Variants in UBAC2 observed in about 807,000 individuals in gnomAD.
The protein encoded by UBAC2 is UBA domain containing 2.
UBAC2 carries 26 observed loss-of-function variants against 44.0 expected under a neutral mutation model. That is an observed-to-expected ratio of 0.59 (90% CI 0.43 to 0.82). The LOEUF (loss-of-function observed/expected upper bound fraction) is 0.82, where lower values mean the gene tolerates loss of function less well. Ranked by LOEUF, UBAC2 falls within the 40% of genes least tolerant of loss-of-function variation. UBAC2 has a pLI of 0.00. For synonymous variants in UBAC2, 155 were observed against 154.3 expected, an observed-to-expected ratio of 1.00 and a Z score of -0.04; for missense variants, 329 against 419.4, an observed-to-expected ratio of 0.78 and a Z score of 1.88.
chr13:99,330,691 T>C (rs2044705096), intron 6 of UBAC2, among the ~76,000 whole-genome samples: 1 of 152,092 alleles, frequency 6.6e-6, no homozygotes, highest in African/African-American at 2.4e-5. Flanking sequence ...TCTAATAGAA[T>C]ATTAAATAAA....
Position 99,367,846 on chromosome 13 carries a change from C to G in UBAC2, c.867C>G (p.Asn289Lys), listed in dbSNP as rs774640168. ...CTTTACGTCAGCGACAAAACGTAAA[C>G]TATCAGGGCGGTCGGCAGTCTGAGC... ...FPPLRQRQNV[N>K]YQGGRQSEPA... is the part of the protein sequence containing the mutation. The change falls in exon 8 of 9, where the codon AAC becomes AAG. Residue 289 changes from asparagine to lysine, a missense_variant. Physicochemically the swap from Asn to Lys is moderately conservative, Grantham distance 94. Transcript: ENST00000403766. 1.9e-6 allele frequency: 3 copies of G among 1,613,846 alleles called. No homozygotes were observed. Among genetic ancestry groups the G allele is most frequent in the Non-Finnish European group, 2.5e-6 (3 of 1,179,882 alleles).
chr13:99,283,558 A>G (rs767651002), intron 4 of UBAC2, among the ~76,000 whole-genome samples: 18 of 152,080 alleles, frequency 1.2e-4, no homozygotes, highest in Non-Finnish European at 2.6e-4. Flanking sequence ...GCAGACTTGC[A>G]AGAGTAGATG....
intron 1 of UBAC2, chr13:99,201,203 T>C (rs1292133836): frequency 1.4e-6 from 2 of 1,424,138 alleles, no homozygotes; most frequent in Non-Finnish European, 1.8e-6. Flanking sequence ...CCCAGGAGTC[T>C]CTTGGGGCCG....
intron 6 of UBAC2, among the ~76,000 whole-genome samples, chr13:99,323,172 T>C (rs1224592679): frequency 6.6e-6 from 1 of 152,054 alleles, no homozygotes; most frequent in Non-Finnish European, 1.5e-5. Flanking sequence ...AGATTGCTTC[T>C]CCATTGACCA....
At chr13:99,277,275 C>T (rs1310508186) in intron 4 of UBAC2, among the ~76,000 whole-genome samples, 2 of 152,150 alleles carry the variant, frequency 1.3e-5, no homozygotes, top group Admixed American at 6.5e-5. Context: ...CCTGTAATCC[C>T]AGCACTTTGG....
chr13:99,202,012 G>C (rs909713250), intron 1 of UBAC2, among the ~76,000 whole-genome samples: 2 of 148,230 alleles, frequency 1.3e-5, no homozygotes, highest in African/African-American at 5.0e-5. Context: ...GGCGGAGCTT[G>C]CAGCGAGCCG....
intron 4 of UBAC2, among the ~76,000 whole-genome samples, chr13:99,299,767 A>G (rs9557193): frequency 0.2 from 31,042 of 152,152 alleles, 3,557 homozygotes; most frequent in Middle Eastern, 0.36. Flanking sequence ...GTCATCATGT[A>G]GAAACCTCAC....
chr13:99,356,228 G>C (rs763402456), intron 7 of UBAC2: 1 of 532,496 alleles, frequency 1.9e-6, no homozygotes, highest in South Asian at 1.4e-5. Flanking sequence ...TGCACCTTCT[G>C]TCCTCATTGC....
rs2044611288 is a variant in UBAC2, at chr13:99,324,484, C to T, written c.561+6415C>T. ...GAAGTCAAATGGAGCAGGGCTGTAC[C>T]AACATGTAGCATGAACAGGAAAGAA... On this transcript the variant is annotated intron_variant, in intron 6 of 8. Coordinates refer to ENST00000403766, the MANE Select transcript of UBAC2 (RefSeq NM_001144072.2). Among the ~76,000 whole-genome samples, 5 of 152,180 alleles carry T rather than the reference C, an allele frequency of 3.3e-5. No homozygotes were observed. The South Asian group carries it at 1.0e-3, about 32-fold the overall frequency.
Position 99,204,896 on chromosome 13 carries a change from G to A in UBAC2, c.31+3957G>A, listed in dbSNP as rs111849791. ...GGCCGCAGGTGTAAGGGGGAGTTTC[G>A]TTTCCTTTTTTTTTTTTTTTTTTTT... On this transcript the variant is annotated intron_variant, in intron 1 of 8. Transcript: ENST00000403766. Among the ~76,000 whole-genome samples the A allele has an allele frequency of 5.7e-3, 748 of 131,348 alleles. 6 individuals are homozygous for A. Among genetic ancestry groups the A allele is most frequent in the African/African-American group, 0.02 (712 of 35,722 alleles). 86.2% of individuals were successfully genotyped at this position (131,348 alleles called of 152,430 possible). A position where few individuals can be genotyped will look rare whatever the true frequency, so the allele number is the denominator to read the frequency against.
At chr13:99,346,332 C>T (rs2044980114) in intron 7 of UBAC2, among the ~76,000 whole-genome samples, 1 of 152,202 alleles carries the variant, frequency 6.6e-6, no homozygotes. Flanking sequence ...GCCTGCCCCA[C>T]AGCCTCCACC....
At position 99,201,300 on chromosome 13, in the gene UBAC2, C is replaced by T. The variant is rs1268993660; in HGVS notation, c.31+361C>T. On this transcript the variant is annotated intron_variant, in intron 1 of 8. Transcript: ENST00000403766. ...GTGCCGCGCTGAAGGAAGGGGCCGT[C>T]CCCCTTACCATGCCCCATTCTTTTA... The T allele has an allele frequency of 1.8e-5, 27 of 1,468,802 alleles. 1 individual carries two copies. The South Asian group carries it at 3.7e-4, about 20-fold the overall frequency. The allele number at this position is 1,468,802 out of a possible 1,614,324, so 91.0% of individuals were successfully genotyped here. A position where few individuals can be genotyped will look rare whatever the true frequency, so the allele number is the denominator to read the frequency against.
chr13:99,367,982 CAA>C, intron 8 of UBAC2, 76 bp downstream of exon 8: 2 of 1,527,622 alleles, frequency 1.3e-6, no homozygotes, highest in East Asian at 4.6e-5. Context: ...CAACAGGACT[CAA>C]AAGTAATCAA....
chr13:99,338,047 C>CTTTTT lies in UBAC2; in HGVS notation c.562-2249_562-2245dup, dbSNP rs869112086. ...ATCTCCTAACTTTTTTTCTTTTTTT[C>CTTTTT]TTTTTTTTTTTTTTTTTTTTTTTTT... is the stretch of plus-strand genomic sequence containing the variant. On this transcript the variant is annotated intron_variant, in intron 6 of 8. Transcript: ENST00000403766. Among the ~76,000 whole-genome samples the CTTTTT allele has an allele frequency of 9.4e-4, 46 of 48,856 alleles. 4 individuals carry two copies. Among genetic ancestry groups the CTTTTT allele is most frequent in the African/African-American group, 2.6e-3 (37 of 14,106 alleles). 32.1% of individuals were successfully genotyped at this position (48,856 alleles called of 152,430 possible). A position where few individuals can be genotyped will look rare whatever the true frequency, so the allele number is the denominator to read the frequency against.
At chr13:99,300,911 T>C (rs1354719857) in intron 4 of UBAC2, among the ~76,000 whole-genome samples, 1 of 152,258 alleles carries the variant, frequency 6.6e-6, no homozygotes, top group Non-Finnish European at 1.5e-5. Context: ...GTAGAAAATT[T>C]ATTCTTAAGT....
rs115416400 is a variant in UBAC2 at position 99,375,437 on chromosome 13, T to A, written c.927+7531T>A. ...CCGGTGCCAGTTGCTATGACAGCAG[T>A]GGGCGAGGCAGGCCCAGCACATCTG... On this transcript the variant is annotated intron_variant, in intron 8 of 8. Transcript: ENST00000403766. 9.8e-3 allele frequency among the ~76,000 whole-genome samples: 1,484 copies of A among 152,024 alleles called. 31 individuals are homozygous for A. Among genetic ancestry groups the A allele is most frequent in the African/African-American group, 0.034 (1,418 of 41,446 alleles).
At chr13:99,363,223 A>C (rs2045288742) in intron 7 of UBAC2, among the ~76,000 whole-genome samples, 1 of 152,212 alleles carries the variant, frequency 6.6e-6, no homozygotes, top group Non-Finnish European at 1.5e-5. Context: ...CTAATACCAC[A>C]TGACTTTAAT....
At chr13:99,250,804 T>G (rs917035871) in intron 4 of UBAC2, among the ~76,000 whole-genome samples, 3 of 152,104 alleles carry the variant, frequency 2.0e-5, no homozygotes, top group African/African-American at 4.8e-5. Flanking sequence ...TGGAGTGAAG[T>G]GGTGTGATCT....
intron 1 of UBAC2, 189 bp downstream of exon 1, chr13:99,201,128 A>G: frequency 7.4e-7 from 1 of 1,351,984 alleles, no homozygotes; most frequent in Non-Finnish European, 9.6e-7. Flanking sequence ...TTCGGCCTGG[A>G]GGGGCGAATG....
Sources: allele counts gnomAD v4.1 joint callset (sites outside exome capture counted in the v4.1 genomes callset), GRCh38; gene constraint gnomAD v4.1.1; transcripts MANE v1.5; gene names NCBI Gene and HGNC (gene_info 2026-07-23, HGNC 2026-07-21).